PTPRD: variants seen among roughly 807,000 people sequenced by gnomAD.
PTPRD encodes receptor-type tyrosine-protein phosphatase delta.
PTPRD carries 34 observed loss-of-function variants against 214.5 expected under a neutral mutation model. The observed-to-expected ratio is 0.16, with a 90% CI of 0.12 to 0.21. PTPRD has a LOEUF of 0.21. Ranked by LOEUF, PTPRD falls within the 10% of genes least tolerant of loss-of-function variation. PTPRD has a pLI of 1.00. For synonymous variants in PTPRD, 1,128 were observed against 845.7 expected (o/e 1.33, Z -5.79); for missense variants, 2,545 against 2,398.7 (o/e 1.06, Z -1.27).
intron 12 of PTPRD, among the ~76,000 whole-genome samples, chr9:8,649,765 C>T (rs2096768362): frequency 6.6e-6 from 1 of 152,060 alleles, no homozygotes; most frequent in African/African-American, 2.4e-5. Flanking sequence ...ATACATATTT[C>T]CTAAGGAAAG....
At chr9:10,342,818 T>C (rs758865829) in intron 2 of PTPRD, among the ~76,000 whole-genome samples, 56 of 152,116 alleles carry the variant, frequency 3.7e-4, no homozygotes, top group Non-Finnish European at 8.8e-5. Context: ...GTGTGTTTTC[T>C]TCCTCTATAT....
intron 10 of PTPRD, among the ~76,000 whole-genome samples, chr9:9,163,020 C>A (rs920679484): frequency 6.6e-6 from 1 of 152,238 alleles, no homozygotes. Context: ...TCCTTCCGCA[C>A]CAGCTTCTCT....
At chr9:9,461,932 G>T (rs1569568535) in intron 8 of PTPRD, among the ~76,000 whole-genome samples, 2 of 152,016 alleles carry the variant, frequency 1.3e-5, no homozygotes, top group Non-Finnish European at 2.9e-5. Flanking sequence ...TATTTAAATT[G>T]GGACTTCTAC....
intron 2 of PTPRD, among the ~76,000 whole-genome samples, chr9:10,525,503 C>A (rs1297323578): frequency 6.6e-6 from 1 of 152,148 alleles, no homozygotes; most frequent in Middle Eastern, 3.4e-3. Flanking sequence ...ACAACCTAAA[C>A]AACTGTAATT....
chr9:8,870,056 C>A (rs2098268874), intron 11 of PTPRD, among the ~76,000 whole-genome samples: 1 of 150,342 alleles, frequency 6.7e-6, no homozygotes, highest in Non-Finnish European at 1.5e-5. Flanking sequence ...ACCACTAGTT[C>A]TAGCTGTCAT....
intron 35 of PTPRD, among the ~76,000 whole-genome samples, chr9:8,407,897 G>C (rs1254547165): frequency 6.6e-6 from 1 of 152,218 alleles, no homozygotes. Flanking sequence ...AATGCTGACA[G>C]CAGTAAACTC....
At chr9:9,877,973 C>CAAAAAAA (rs758528718) in intron 5 of PTPRD, among the ~76,000 whole-genome samples, 2 of 70,654 alleles carry the variant, frequency 2.8e-5, no homozygotes, top group African/African-American at 5.2e-5. Context: ...AACTCCATCT[C>CAAAAAAA]AAAAAAAAAA....
chr9:10,545,723 C>T (rs1247509943), intron 2 of PTPRD, among the ~76,000 whole-genome samples: 1 of 152,138 alleles, frequency 6.6e-6, no homozygotes, highest in Non-Finnish European at 1.5e-5. Flanking sequence ...CCGTCTCTTT[C>T]AGAAGTTTTC....
At chr9:8,935,810 A>C (rs1232342131) in intron 11 of PTPRD, among the ~76,000 whole-genome samples, 1 of 152,188 alleles carries the variant, frequency 6.6e-6, no homozygotes, top group Non-Finnish European at 1.5e-5. Flanking sequence ...TTCTCTTCTC[A>C]TAATCCCCCT....
chr9:9,173,118 C>T (rs1569558214), intron 10 of PTPRD, among the ~76,000 whole-genome samples: 2 of 152,108 alleles, frequency 1.3e-5, no homozygotes, highest in African/African-American at 2.4e-5. Context: ...GGTAAGCTCC[C>T]TCCTTAGGGT....
rs570836265 is a variant in PTPRD at position 9,604,297 on chromosome 9, C to T, written c.-286-29516G>A. Among the ~76,000 whole-genome samples the T allele has an allele frequency of 3.3e-5, 5 of 152,094 alleles. No homozygotes were observed. In the Middle Eastern group the frequency reaches 0.014, roughly 414 times the overall value. Reference sequence around the variant, plus strand: ...TTTTAATTCATTAAAATATGACAGGCACAACCTTGAAAATAAAATTTTATT... The same window carrying T: ...TTTTAATTCATTAAAATATGACAGGTACAACCTTGAAAATAAAATTTTATT... On this transcript the variant is annotated intron_variant, in intron 7 of 45. Coordinates refer to ENST00000381196, the MANE Select transcript of PTPRD (RefSeq NM_002839.4).
chr9:9,005,079 C>T (rs530612263), intron 11 of PTPRD, among the ~76,000 whole-genome samples: 9 of 151,990 alleles, frequency 5.9e-5, no homozygotes, highest in Non-Finnish European at 1.3e-4. Flanking sequence ...TTTGAATGGA[C>T]CTTCAGGGGA....
intron 8 of PTPRD, among the ~76,000 whole-genome samples, chr9:9,423,039 A>G (rs956877928): frequency 5.1e-4 from 77 of 152,146 alleles, no homozygotes; most frequent in African/African-American, 1.8e-3. Flanking sequence ...CTGAGTCTAG[A>G]CTTTGAAAAT....
intron 7 of PTPRD, among the ~76,000 whole-genome samples, chr9:9,632,618 A>C (rs75669853): frequency 2.8e-5 from 4 of 142,664 alleles, no homozygotes; most frequent in African/African-American, 5.4e-5. Flanking sequence ...GAAAGTTAAA[A>C]AAAAAAAGGA....
At chr9:10,044,783 A>C (rs7868769) in intron 3 of PTPRD, among the ~76,000 whole-genome samples, 1 of 151,372 alleles carries the variant, frequency 6.6e-6, no homozygotes, top group African/African-American at 2.4e-5. Flanking sequence ...AGCAGCACAA[A>C]CCTTCAGAAG....
At chr9:8,538,752 C>T (rs1348687673) in intron 14 of PTPRD, among the ~76,000 whole-genome samples, 1 of 151,776 alleles carries the variant, frequency 6.6e-6, no homozygotes, top group Non-Finnish European at 1.5e-5. Flanking sequence ...GCAAAGACAT[C>T]TTCCCTAGCT....
intron 9 of PTPRD, among the ~76,000 whole-genome samples, chr9:9,363,247 C>T (rs977026556): frequency 6.6e-6 from 1 of 150,568 alleles, no homozygotes; most frequent in African/African-American, 2.4e-5. Flanking sequence ...CTGATCAACA[C>T]CCCAAAAGGC....
chr9:9,144,251 C>G (rs1424239039), intron 10 of PTPRD, among the ~76,000 whole-genome samples: 1 of 152,130 alleles, frequency 6.6e-6, no homozygotes, highest in Non-Finnish European at 1.5e-5. Flanking sequence ...TTTACAAGGC[C>G]CTGCATTCTA....
At chr9:8,568,678 C>T (rs935021277) in intron 14 of PTPRD, among the ~76,000 whole-genome samples, 1 of 152,066 alleles carries the variant, frequency 6.6e-6, no homozygotes, top group Non-Finnish European at 1.5e-5. Flanking sequence ...CTGGTTACAA[C>T]AACAAATTCT....
Sources: gnomAD v4.1 joint callset for allele counts (sites outside exome capture counted in the v4.1 genomes callset) on GRCh38, gnomAD v4.1.1 for gene constraint, MANE v1.5 for transcripts, NCBI Gene and HGNC (gene_info 2026-07-23, HGNC 2026-07-21) for gene names.